The following PDE4B variants were observed in gnomAD, a reference collection of about 807,000 sequenced individuals.
PDE4B encodes the protein 3',5'-cyclic-AMP phosphodiesterase 4B.
PDE4B carries 20 observed loss-of-function variants against 82.2 expected under a neutral mutation model. The ratio of observed to expected loss-of-function variants is 0.24; its 90% CI spans 0.17 to 0.35. The LOEUF (loss-of-function observed/expected upper bound fraction) is 0.35. Ranked by LOEUF, PDE4B falls within the 10% of genes least tolerant of loss-of-function variation. The pLI is 1.00. For missense variants in PDE4B, 655 were observed against 907.2 expected (o/e 0.72, Z 3.57); for synonymous variants, 320 against 318.9 (o/e 1.00, Z -0.04).
chr1:65,866,958 A>T lies in PDE4B; in HGVS notation c.-70-46287A>T, dbSNP rs138674769. Among the ~76,000 whole-genome samples the T allele has an allele frequency of 3.1e-3, 468 of 152,300 alleles. 4 individuals are homozygous for T. Among genetic ancestry groups the T allele is most frequent in the African/African-American group, 0.011 (440 of 41,568 alleles). Reference sequence around the variant, plus strand: ...GCTTTATTAATCAAAACTTTTTTTGATGTGATAATGGTATTGTGGTGTTTT... The same window carrying T: ...GCTTTATTAATCAAAACTTTTTTTGTTGTGATAATGGTATTGTGGTGTTTT... On this transcript the variant is annotated intron_variant, in intron 1 of 16. Transcript: ENST00000341517.
At chr1:66,077,353 CAACTT>C (rs1289930355) in intron 3 of PDE4B, among the ~76,000 whole-genome samples, 2 of 152,090 alleles carry the variant, frequency 1.3e-5, no homozygotes, top group Non-Finnish European at 2.9e-5. Context: ...TAACACGTGT[CAACTT>C]AATTTAATTC....
chr1:66,127,221 G>A (rs1645842864), intron 3 of PDE4B, among the ~76,000 whole-genome samples: 1 of 152,078 alleles, frequency 6.6e-6, no homozygotes, highest in South Asian at 2.1e-4. Flanking sequence ...TCGCATGAAG[G>A]TATGGCTCTG....
rs1003862774 is a variant in PDE4B at position 66,149,349 on chromosome 1, C to A, written c.282-98111C>A. 9.9e-5 allele frequency among the ~76,000 whole-genome samples: 15 copies of A among 152,144 alleles called. No homozygotes were observed. The East Asian group carries it at 2.7e-3, about 27-fold the overall frequency. On this transcript the variant is annotated intron_variant, in intron 3 of 16. Coordinates refer to ENST00000341517, the MANE Select transcript of PDE4B (RefSeq NM_002600.4). ...TTGAGTTATTTATATATTCTGGACA[C>A]AAGTATGTCTGATTATTGATTATAT...
chr1:66,221,091 G>T (rs891351296), intron 3 of PDE4B, among the ~76,000 whole-genome samples: 1 of 152,030 alleles, frequency 6.6e-6, no homozygotes. Flanking sequence ...TACAATCATT[G>T]CAAACCTGGA....
At chr1:66,023,621 C>A (rs2455021) in intron 3 of PDE4B, among the ~76,000 whole-genome samples, 4 of 152,056 alleles carry the variant, frequency 2.6e-5, no homozygotes, top group African/African-American at 9.6e-5. Context: ...AAATGGTTAA[C>A]AACATTCTAT....
At chr1:66,235,828 T>C (rs1341200975) in intron 3 of PDE4B, among the ~76,000 whole-genome samples, 2 of 152,222 alleles carry the variant, frequency 1.3e-5, no homozygotes, top group African/African-American at 4.8e-5. Context: ...AAGGATTTTT[T>C]CAGAATCGGG....
intron 3 of PDE4B, among the ~76,000 whole-genome samples, chr1:66,031,295 T>A (rs577590162): frequency 7.9e-5 from 12 of 152,146 alleles, no homozygotes; most frequent in Non-Finnish European, 1.6e-4. Flanking sequence ...TATTCTTTCT[T>A]TTTATTCTCA....
intron 8 of PDE4B, 141 bp from the exon 9 acceptor site, chr1:66,355,386 T>C (rs955835232): frequency 2.1e-6 from 1 of 466,980 alleles, no homozygotes; most frequent in Non-Finnish European, 3.9e-6. Context: ...TGAAGAGATA[T>C]ATTTTGTAGA....
intron 8 of PDE4B, among the ~76,000 whole-genome samples, chr1:66,336,294 C>T (rs148912626): frequency 6.6e-6 from 1 of 152,098 alleles, no homozygotes; most frequent in African/African-American, 2.4e-5. Context: ...AAGGACCAAC[C>T]CAGAACAATC....
intron 3 of PDE4B, among the ~76,000 whole-genome samples, chr1:66,216,002 A>G (rs1014853593): frequency 5.3e-5 from 8 of 152,072 alleles, no homozygotes; most frequent in African/African-American, 1.9e-4. Flanking sequence ...TTGCAAAGTC[A>G]TGGGATTTGC....
intron 1 of PDE4B, among the ~76,000 whole-genome samples, chr1:65,831,014 G>C (rs1255229965): frequency 6.6e-6 from 1 of 151,956 alleles, no homozygotes; most frequent in Non-Finnish European, 1.5e-5. Context: ...CAAAATTTGT[G>C]GGATGCTACT....
At chr1:66,246,312 C>T (rs1382642445) in intron 3 of PDE4B, among the ~76,000 whole-genome samples, 1 of 152,154 alleles carries the variant, frequency 6.6e-6, no homozygotes, top group Admixed American at 6.5e-5. Flanking sequence ...AAAATCCACC[C>T]AAAGTGAGCT....
intron 3 of PDE4B, among the ~76,000 whole-genome samples, chr1:66,024,810 G>A (rs1043870635): frequency 1.3e-5 from 2 of 151,894 alleles, no homozygotes; most frequent in Non-Finnish European, 2.9e-5. Context: ...TGTGGAATGA[G>A]CATTTTAATA....
intron 3 of PDE4B, among the ~76,000 whole-genome samples, chr1:66,117,762 G>C (rs1454807693): frequency 6.6e-6 from 1 of 151,980 alleles, no homozygotes; most frequent in African/African-American, 2.4e-5. Context: ...CTTTGGTTCT[G>C]GTACATTTTT....
At chr1:66,220,896 C>T (rs561810305) in intron 3 of PDE4B, among the ~76,000 whole-genome samples, 1 of 152,206 alleles carries the variant, frequency 6.6e-6, no homozygotes, top group South Asian at 2.1e-4. Flanking sequence ...CAAGACTTGG[C>T]TATTTCTGTC....
chr1:66,337,980 T>C (rs1660659051), intron 8 of PDE4B, among the ~76,000 whole-genome samples: 1 of 152,252 alleles, frequency 6.6e-6, no homozygotes. Flanking sequence ...AATCTTTCCA[T>C]ATTCTCTTCT....
At chr1:66,370,262 G>A (rs556329526) in intron 16 of PDE4B, among the ~76,000 whole-genome samples, 2 of 150,462 alleles carry the variant, frequency 1.3e-5, no homozygotes, top group African/African-American at 4.9e-5. Flanking sequence ...AATTCGAATA[G>A]CCCAAAGGCT....
At chr1:66,250,183 C>A (rs1055377277) in intron 4 of PDE4B, among the ~76,000 whole-genome samples, 2 of 152,106 alleles carry the variant, frequency 1.3e-5, no homozygotes, top group Non-Finnish European at 1.5e-5. Context: ...ACAGCAGCTC[C>A]CCACACTTCC....
At chr1:65,986,707 C>T (rs1291596021) in intron 3 of PDE4B, among the ~76,000 whole-genome samples, 4 of 152,084 alleles carry the variant, frequency 2.6e-5, no homozygotes, top group Admixed American at 2.6e-4. Flanking sequence ...ATCGAACAAA[C>T]AAAGCTCTGT....
Sources: gnomAD v4.1 joint callset for allele counts (sites outside exome capture counted in the v4.1 genomes callset) on GRCh38, gnomAD v4.1.1 for gene constraint, MANE v1.5 for transcripts, NCBI Gene and HGNC (gene_info 2026-07-23, HGNC 2026-07-21) for gene names.